Variants in RORB observed in about 807,000 individuals in gnomAD.
RORB encodes RAR related orphan receptor B.
RORB carries 6 observed loss-of-function variants against 59.1 expected under a neutral mutation model. That is an observed-to-expected ratio of 0.10 (90% CI 0.06 to 0.20). The LOEUF is 0.20. Ranked by LOEUF, RORB falls within the 10% of genes least tolerant of loss-of-function variation. The pLI, the probability that RORB is intolerant of heterozygous loss-of-function variation, is 1.00. For synonymous variants in RORB, 215 were observed against 204.5 expected (o/e 1.05, Z -0.44); for missense variants, 320 against 560.5 (o/e 0.57, Z 4.33).
intron 9 of RORB, among the ~76,000 whole-genome samples, chr9:74,672,964 C>T (rs1337906450): frequency 1.3e-5 from 2 of 152,194 alleles, no homozygotes; most frequent in Non-Finnish European, 2.9e-5. Flanking sequence ...TTACTTTGCA[C>T]ATACAGAGTA....
At chr9:74,590,009 A>T (rs1383689452) in intron 1 of RORB, among the ~76,000 whole-genome samples, 1 of 152,216 alleles carries the variant, frequency 6.6e-6, no homozygotes, top group Non-Finnish European at 1.5e-5. Context: ...TGGGTAAGTT[A>T]CTTAATATTT....
chr9:74,625,228 A>C (rs879904542), intron 1 of RORB, among the ~76,000 whole-genome samples: 57 of 152,294 alleles, frequency 3.7e-4, no homozygotes, highest in Admixed American at 7.2e-4. Context: ...TTTAATTGCC[A>C]ATGGGTGTCT....
Position 74,540,226 on chromosome 9 carries a change from G to A in RORB, c.7+42243G>A, listed in dbSNP as rs1826384662. Among the ~76,000 whole-genome samples, 4 of 152,102 alleles carry A rather than the reference G, an allele frequency of 2.6e-5. No homozygotes were observed. In the South Asian group the frequency reaches 8.3e-4, roughly 32 times the overall value. Reference sequence around the variant, plus strand: ...TATATATAACAGAGAATATATTGAGGGCTTTTGCTGCCACCCCTGCCCCCT... The same window carrying A: ...TATATATAACAGAGAATATATTGAGAGCTTTTGCTGCCACCCCTGCCCCCT... On this transcript the variant is annotated intron_variant, in intron 1 of 9. Coordinates refer to ENST00000376896, the MANE Select transcript of RORB (RefSeq NM_006914.4).
At chr9:74,552,384 C>T (rs1156352681) in intron 1 of RORB, among the ~76,000 whole-genome samples, 2 of 152,142 alleles carry the variant, frequency 1.3e-5, no homozygotes, top group African/African-American at 2.4e-5. Flanking sequence ...TGGCCATGTA[C>T]TTCCTGGCTT....
chr9:74,682,508 A>G (rs907756171), intron 9 of RORB, among the ~76,000 whole-genome samples: 3 of 152,148 alleles, frequency 2.0e-5, no homozygotes, highest in Non-Finnish European at 2.9e-5. Flanking sequence ...GGACAGAAAT[A>G]GGATTCAAAC....
intron 1 of RORB, among the ~76,000 whole-genome samples, chr9:74,502,075 A>G (rs1184852571): frequency 6.6e-6 from 1 of 152,154 alleles, no homozygotes; most frequent in Admixed American, 6.5e-5. Context: ...TATACTCTTA[A>G]CCAAATATGA....
At chr9:74,602,085 A>T (rs963280226) in intron 1 of RORB, among the ~76,000 whole-genome samples, 12 of 152,136 alleles carry the variant, frequency 7.9e-5, no homozygotes, top group African/African-American at 2.9e-4. Context: ...TTTAACTTCC[A>T]TCCAGGTCCC....
chr9:74,684,512 A>T (rs1824604125), intron 9 of RORB, among the ~76,000 whole-genome samples: 1 of 151,794 alleles, frequency 6.6e-6, no homozygotes, highest in South Asian at 2.1e-4. Flanking sequence ...CACAAAAATG[A>T]TGGATTCGAA....
chr9:74,585,576 A>G (rs1289693109), intron 1 of RORB, among the ~76,000 whole-genome samples: 3 of 152,184 alleles, frequency 2.0e-5, no homozygotes, highest in Non-Finnish European at 2.9e-5. Flanking sequence ...GGCAGCTGAT[A>G]GCTATAGTCT....
intron 1 of RORB, among the ~76,000 whole-genome samples, chr9:74,602,224 T>A (rs1416799557): frequency 6.6e-6 from 1 of 152,190 alleles, no homozygotes; most frequent in Non-Finnish European, 1.5e-5. Context: ...GACTTTGTGC[T>A]TTTTTCCTCA....
In RORB at chr9:74,549,622, AAGGAAGAAAG is replaced by A. The variant is rs1164436716; in HGVS notation, c.7+51640_7+51649del. Among the ~76,000 whole-genome samples, 325 of 111,650 alleles carry A rather than the reference AAGGAAGAAAG, an allele frequency of 2.9e-3. 3 individuals are homozygous for A. The highest frequency in any genetic ancestry group is 0.01 in the African/African-American group (315 of 30,902). 73.2% of individuals were successfully genotyped at this position (111,650 alleles called of 152,430 possible). Reference sequence around the variant, plus strand: ...GAAGGAAGGAAGAAAGGAAGGAAGGAAGGAAGAAAGGAAAGAAAGAAAGAAAGAGAGAAGA... The same window carrying A: ...GAAGGAAGGAAGAAAGGAAGGAAGGAGAAAGAAAGAAAGAAAGAGAGAAGA... On this transcript the variant is annotated intron_variant, in intron 1 of 9. Coordinates refer to ENST00000376896, the MANE Select transcript of RORB (RefSeq NM_006914.4).
At chr9:74,653,508 C>T (rs1403331359) in intron 4 of RORB, among the ~76,000 whole-genome samples, 1 of 150,836 alleles carries the variant, frequency 6.6e-6, no homozygotes, top group Non-Finnish European at 1.5e-5. Flanking sequence ...GGGTATAGTT[C>T]ACCAAGAAGA....
chr9:74,669,180 T>G (rs1824311791), intron 8 of RORB, among the ~76,000 whole-genome samples: 2 of 152,184 alleles, frequency 1.3e-5, no homozygotes, highest in Non-Finnish European at 2.9e-5. Context: ...TAAAATATTT[T>G]TTTAAAGTAT....
At chr9:74,653,596 T>C (rs971558881) in intron 4 of RORB, among the ~76,000 whole-genome samples, 1 of 152,198 alleles carries the variant, frequency 6.6e-6, no homozygotes, top group African/African-American at 2.4e-5. Flanking sequence ...CAACACCCTC[T>C]AGCGCTATAT....
chr9:74,678,230 C>T (rs963362352), intron 9 of RORB, among the ~76,000 whole-genome samples: 18 of 152,148 alleles, frequency 1.2e-4, no homozygotes, highest in African/African-American at 4.3e-4. Context: ...CCAGTTAAGC[C>T]AACTCCAGCA....
chr9:74,558,275 A>G (rs1396834095), intron 1 of RORB, among the ~76,000 whole-genome samples: 16 of 152,118 alleles, frequency 1.1e-4, no homozygotes, highest in Non-Finnish European at 2.9e-5. Context: ...TTGAAAGGAT[A>G]TTCAGTTGAG....
chr9:74,600,242 C>T (rs1823034096), intron 1 of RORB, among the ~76,000 whole-genome samples: 1 of 152,104 alleles, frequency 6.6e-6, no homozygotes, highest in Non-Finnish European at 1.5e-5. Context: ...TGGTTTTATT[C>T]TTGAAAGTAA....
chr9:74,557,974 A>T (rs570634172), intron 1 of RORB, among the ~76,000 whole-genome samples: 1 of 152,326 alleles, frequency 6.6e-6, no homozygotes, highest in African/African-American at 2.4e-5. Context: ...CAATTACTGT[A>T]TAAAATTTAG....
chr9:74,643,310 G>A (rs1027940924), intron 4 of RORB, among the ~76,000 whole-genome samples: 2 of 152,188 alleles, frequency 1.3e-5, no homozygotes, highest in African/African-American at 4.8e-5. Context: ...CCAGAAGACC[G>A]CCAAGGCTCT....
Sources: allele counts gnomAD v4.1 joint callset (sites outside exome capture counted in the v4.1 genomes callset), GRCh38; gene constraint gnomAD v4.1.1; transcripts MANE v1.5; gene names NCBI Gene and HGNC (gene_info 2026-07-23, HGNC 2026-07-21).